CDK14: variants seen among roughly 807,000 people sequenced by gnomAD.
CDK14 encodes the protein cyclin dependent kinase 14.
In CDK14, 34 loss-of-function variants were observed where a neutral mutation model predicts 60.7. The ratio of observed to expected loss-of-function variants is 0.56; its 90% CI spans 0.43 to 0.75. The LOEUF (loss-of-function observed/expected upper bound fraction) is 0.75. Ranked by LOEUF, CDK14 falls within the 30% of genes least tolerant of loss-of-function variation. The pLI, the probability that CDK14 is intolerant of heterozygous loss-of-function variation, is 0.00. For missense variants in CDK14, 482 were observed against 564.1 expected (o/e 0.85, Z 1.47); for synonymous variants, 197 against 203.7 (o/e 0.97, Z 0.28).
At chr7:91,060,150 T>C (rs1309116941) in intron 11 of CDK14, among the ~76,000 whole-genome samples, 2 of 152,196 alleles carry the variant, frequency 1.3e-5, no homozygotes, top group African/African-American at 4.8e-5. Context: ...CCCTTTACCA[T>C]TATGTAATGG....
At chr7:90,633,445 G>A (rs1800051465) in intron 2 of CDK14, among the ~76,000 whole-genome samples, 1 of 152,144 alleles carries the variant, frequency 6.6e-6, no homozygotes, top group Non-Finnish European at 1.5e-5. Flanking sequence ...GTGTTAACTA[G>A]TTTCTGAAAT....
intron 6 of CDK14, among the ~76,000 whole-genome samples, chr7:90,882,661 G>A (rs377636190): frequency 9.9e-5 from 15 of 152,072 alleles, no homozygotes; most frequent in African/African-American, 3.6e-4. Flanking sequence ...AGTGCCACAT[G>A]GCACTTACTC....
At chr7:91,176,374 AC>A (rs1333147939) in intron 14 of CDK14, among the ~76,000 whole-genome samples, 1 of 152,190 alleles carries the variant, frequency 6.6e-6, no homozygotes, top group African/African-American at 2.4e-5. Flanking sequence ...TCCAAAATTG[AC>A]ACCCTAACAT....
chr7:90,631,379 T>C (rs1163514299), intron 2 of CDK14, among the ~76,000 whole-genome samples: 1 of 152,056 alleles, frequency 6.6e-6, no homozygotes. Context: ...CAGACCACCT[T>C]GGAGGAAGGG....
intron 2 of CDK14, among the ~76,000 whole-genome samples, chr7:90,718,125 G>A (rs1233743073): frequency 6.6e-6 from 1 of 152,056 alleles, no homozygotes; most frequent in Non-Finnish European, 1.5e-5. Context: ...TTAGTACACA[G>A]AACCATGGTT....
intron 14 of CDK14, among the ~76,000 whole-genome samples, chr7:91,144,057 T>C (rs1156642810): frequency 6.6e-6 from 1 of 152,144 alleles, no homozygotes; most frequent in Non-Finnish European, 1.5e-5. Context: ...ATTTAGTTGC[T>C]AATGTCTAGA....
chr7:91,060,493 C>T (rs370740909), intron 11 of CDK14, among the ~76,000 whole-genome samples: 132 of 152,274 alleles, frequency 8.7e-4, no homozygotes, highest in Non-Finnish European at 1.6e-3. Flanking sequence ...TTCTTCCTAG[C>T]CTCGATGGTC....
chr7:91,192,547 C>T (rs757987174), intron 14 of CDK14, among the ~76,000 whole-genome samples: 54 of 152,094 alleles, frequency 3.6e-4, no homozygotes, highest in Non-Finnish European at 7.3e-4. Flanking sequence ...TGGGTGGCCA[C>T]ACTAAGAATA....
At chr7:90,726,263 A>T (rs920367565) in intron 2 of CDK14, 2 of 975,254 alleles carry the variant, frequency 2.1e-6, no homozygotes, top group African/African-American at 3.5e-5. Context: ...TTCCAGTCAG[A>T]TGGTAAAACG....
intron 12 of CDK14, among the ~76,000 whole-genome samples, chr7:91,098,106 A>G (rs758204159): frequency 2.6e-5 from 4 of 152,216 alleles, no homozygotes; most frequent in Non-Finnish European, 4.4e-5. Flanking sequence ...TCTTAATCCA[A>G]TTCTTGCTTT....
chr7:90,625,466 A>C (rs994628769), intron 2 of CDK14, among the ~76,000 whole-genome samples: 7 of 152,260 alleles, frequency 4.6e-5, no homozygotes, highest in African/African-American at 1.7e-4. Flanking sequence ...AAAGCAATTC[A>C]AAAACCACTA....
intron 11 of CDK14, among the ~76,000 whole-genome samples, chr7:91,078,705 C>G (rs1462416256): frequency 6.6e-6 from 1 of 152,074 alleles, no homozygotes; most frequent in Non-Finnish European, 1.5e-5. Context: ...ATTGTAAAAT[C>G]CGTTCAAAAA....
chr7:90,892,946 T>C (rs1277350105), intron 6 of CDK14, among the ~76,000 whole-genome samples: 1 of 152,086 alleles, frequency 6.6e-6, no homozygotes, highest in Non-Finnish European at 1.5e-5. Flanking sequence ...ACCCGGCTGA[T>C]TTTTTATATT....
chr7:91,039,834 G>A lies in CDK14; in HGVS notation c.1042-6063G>A, dbSNP rs191958344. Among the ~76,000 whole-genome samples, 1,385 of 152,106 alleles carry A rather than the reference G, an allele frequency of 9.1e-3. 12 individuals are homozygous for A. Among genetic ancestry groups the A allele is most frequent in the Admixed American group, 0.024 (371 of 15,276 alleles). Reference sequence around the variant, plus strand: ...TGGCCGGGTGCGGTGGCTCACACCCGTAGTCCTAGAACTTTGGGAGACTGA... The same window carrying A: ...TGGCCGGGTGCGGTGGCTCACACCCATAGTCCTAGAACTTTGGGAGACTGA... On this transcript the variant is annotated intron_variant, in intron 10 of 14. Transcript: ENST00000380050.
intron 8 of CDK14, among the ~76,000 whole-genome samples, chr7:90,940,343 T>C (rs1255756584): frequency 6.6e-6 from 1 of 152,220 alleles, no homozygotes; most frequent in African/African-American, 2.4e-5. Context: ...GGTTCCATAT[T>C]AGTACATAGC....
At chr7:90,637,360 A>G (rs1314551422) in intron 2 of CDK14, among the ~76,000 whole-genome samples, 1 of 152,070 alleles carries the variant, frequency 6.6e-6, no homozygotes, top group Non-Finnish European at 1.5e-5. Flanking sequence ...GTTTCAAAGA[A>G]CATCTTTATT....
At chr7:90,635,535 A>T (rs1228142594) in intron 2 of CDK14, among the ~76,000 whole-genome samples, 1 of 152,200 alleles carries the variant, frequency 6.6e-6, no homozygotes, top group Admixed American at 6.5e-5. Context: ...TGGTTACTGT[A>T]GCCTTGTAGT....
chr7:90,968,936 C>G (rs548131630), intron 9 of CDK14, among the ~76,000 whole-genome samples: 38 of 152,218 alleles, frequency 2.5e-4, no homozygotes, highest in African/African-American at 7.0e-4. Flanking sequence ...TACAGAATGT[C>G]GAGAGGTGCA....
intron 10 of CDK14, among the ~76,000 whole-genome samples, chr7:90,986,499 C>T (rs563483311): frequency 6.8e-4 from 104 of 152,042 alleles, no homozygotes; most frequent in African/African-American, 2.1e-3. Context: ...TTCCTATCCA[C>T]GATTAAATTA....
Sources: gnomAD v4.1 joint callset for allele counts (sites outside exome capture counted in the v4.1 genomes callset) on GRCh38, gnomAD v4.1.1 for gene constraint, MANE v1.5 for transcripts, NCBI Gene and HGNC (gene_info 2026-07-23, HGNC 2026-07-21) for gene names.